Variants in FAM169A observed in about 807,000 individuals in gnomAD.
FAM169A encodes family with sequence similarity 169 member A, also known as soluble lamin-associated protein of 75 kDa.
FAM169A carries 24 observed loss-of-function variants against 75.7 expected under a neutral mutation model. The ratio of observed to expected loss-of-function variants is 0.32; its 90% CI spans 0.23 to 0.45. The LOEUF (loss-of-function observed/expected upper bound fraction) is 0.45, where lower values mean the gene tolerates loss of function less well. FAM169A is among the 20% of genes least tolerant of loss of function. The pLI, the probability that FAM169A is intolerant of heterozygous loss-of-function variation, is 1.00. For missense variants in FAM169A, 673 were observed against 784.0 expected (o/e 0.86, Z 1.69); for synonymous variants, 271 against 271.0 (o/e 1.00, Z 0.00).
intron 5 of FAM169A, among the ~76,000 whole-genome samples, chr5:74,815,817 C>A (rs1580119030): frequency 6.6e-6 from 1 of 152,174 alleles, no homozygotes; most frequent in East Asian, 1.9e-4. Context: ...CTGCTACAAT[C>A]CCATTAGCAC....
intron 6 of FAM169A, among the ~76,000 whole-genome samples, chr5:74,813,585 C>T (rs1378476150): frequency 6.6e-6 from 1 of 152,112 alleles, no homozygotes; most frequent in East Asian, 1.9e-4. Flanking sequence ...CTCAGCCTCC[C>T]AAAGTGCTGG....
chr5:74,856,363 T>C (rs1186810026), intron 1 of FAM169A, among the ~76,000 whole-genome samples: 1 of 152,298 alleles, frequency 6.6e-6, no homozygotes, highest in Admixed American at 6.5e-5. Flanking sequence ...AATCTGTAGA[T>C]TGCTTTAGGT....
intron 6 of FAM169A, among the ~76,000 whole-genome samples, chr5:74,807,794 A>G (rs1293968942): frequency 6.6e-6 from 1 of 152,244 alleles, no homozygotes; most frequent in East Asian, 1.9e-4. Flanking sequence ...GTAAATGAAC[A>G]AAATGATGCC....
chr5:74,838,114 CAAA>C (rs1169194601), intron 4 of FAM169A, among the ~76,000 whole-genome samples: 4 of 65,506 alleles, frequency 6.1e-5, no homozygotes, highest in South Asian at 1.1e-3. Context: ...AACTCCATCC[CAAA>C]AAAAAAAAAA....
intron 1 of FAM169A, among the ~76,000 whole-genome samples, chr5:74,849,571 A>G (rs1222246313): frequency 6.6e-6 from 1 of 152,132 alleles, no homozygotes; most frequent in Non-Finnish European, 1.5e-5. Context: ...CAACACCGAG[A>G]ATAGGTTAGG....
rs965023783 is a variant in FAM169A at position 74,805,140 on chromosome 5, C to T, written c.799+16G>A. 4 of 1,611,530 alleles carry T rather than the reference C, an allele frequency of 2.5e-6. No homozygotes were observed. In the African/African-American group the frequency reaches 4.0e-5, roughly 16 times the overall value. On this transcript the variant is annotated intron_variant, in intron 7 of 12. Transcript: ENST00000687041. ...TAAATAAACTGAACTTATGTTCAAA[C>T]TGAAAACACTCTTACCTAGAATTTT...
At chr5:74,782,819 C>T (rs1373693483) in intron 12 of FAM169A, 112 bp downstream of exon 12, 1 of 648,502 alleles carries the variant, frequency 1.5e-6, no homozygotes, top group Non-Finnish European at 2.6e-6. Flanking sequence ...GTTAATCTTC[C>T]TAAAGCACTG....
At chr5:74,857,041 G>A (rs916285842) in intron 1 of FAM169A, among the ~76,000 whole-genome samples, 29 of 150,176 alleles carry the variant, frequency 1.9e-4, no homozygotes, top group African/African-American at 6.6e-4. Flanking sequence ...TCCCGGAGCC[G>A]GAGGTTGCAG....
At chr5:74,838,838 GAAATTCTAGGGTTTAATATAA>G in intron 4 of FAM169A, 106 bp downstream of exon 4, 1 of 718,732 alleles carries the variant, frequency 1.4e-6, no homozygotes, top group African/African-American at 1.8e-5. Context: ...TCGTAAGAAT[GAAATTCTAGGGTTTAATATAA>G]CCTGATTATT....
chr5:74,806,454 G>A (rs776963063), intron 6 of FAM169A, among the ~76,000 whole-genome samples: 2 of 151,640 alleles, frequency 1.3e-5, no homozygotes, highest in African/African-American at 4.9e-5. Context: ...AAACATAGGA[G>A]AATACCTCTA....
At chr5:74,839,854 A>G (rs1404764824) in intron 3 of FAM169A, among the ~76,000 whole-genome samples, 2 of 152,066 alleles carry the variant, frequency 1.3e-5, no homozygotes, top group Non-Finnish European at 2.9e-5. Context: ...TTTCTATTAT[A>G]AATTACCCAG....
chr5:74,836,931 G>A (rs1010250951), intron 4 of FAM169A, among the ~76,000 whole-genome samples: 1 of 136,814 alleles, frequency 7.3e-6, no homozygotes, highest in Non-Finnish European at 1.5e-5. Context: ...CTGGGCGTCA[G>A]TAAGCCTGTG....
intron 6 of FAM169A, among the ~76,000 whole-genome samples, chr5:74,807,367 T>C (rs976437414): frequency 6.6e-6 from 1 of 152,184 alleles, no homozygotes; most frequent in African/African-American, 2.4e-5. Context: ...TGTAGAGTAT[T>C]GGTTGGTTGC....
chr5:74,782,067 C>A (rs1745440331), intron 12 of FAM169A, 59 bp from the exon 13 acceptor site: 3 of 1,344,788 alleles, frequency 2.2e-6, no homozygotes, highest in South Asian at 2.7e-5. Context: ...AAAATAAATT[C>A]TCAGGCTCTA....
intron 1 of FAM169A, among the ~76,000 whole-genome samples, chr5:74,852,773 G>T: frequency 6.6e-6 from 1 of 152,140 alleles, no homozygotes; most frequent in Non-Finnish European, 1.5e-5. Context: ...CCAGATTAAA[G>T]AATTTAGACT....
chr5:74,854,371 GGTGACACAGC>G (rs534378292), intron 1 of FAM169A, among the ~76,000 whole-genome samples: 69 of 151,366 alleles, frequency 4.6e-4, no homozygotes, highest in Non-Finnish European at 7.6e-4. Context: ...CTCCAGCCTG[GGTGACACAGC>G]GAGACTCCAT....
intron 1 of FAM169A, among the ~76,000 whole-genome samples, chr5:74,863,066 G>T (rs964127392): frequency 2.7e-5 from 4 of 149,334 alleles, no homozygotes; most frequent in Admixed American, 1.3e-4. Context: ...ATCTAGGTAC[G>T]TCACAAACTT....
intron 6 of FAM169A, among the ~76,000 whole-genome samples, chr5:74,813,142 T>G (rs1477399999): frequency 1.3e-5 from 2 of 152,166 alleles, no homozygotes; most frequent in Admixed American, 6.5e-5. Flanking sequence ...GAAAACAGAT[T>G]AGTGGTTGCT....
At chr5:74,840,318 A>G in intron 2 of FAM169A, 145 bp from the exon 3 acceptor site, 1 of 449,686 alleles carries the variant, frequency 2.2e-6, no homozygotes, top group Non-Finnish European at 4.0e-6. Context: ...CTCTAAAAAA[A>G]GAGTAAATCA....
Sources: gnomAD v4.1 joint callset for allele counts (sites outside exome capture counted in the v4.1 genomes callset) on GRCh38, gnomAD v4.1.1 for gene constraint, MANE v1.5 for transcripts, NCBI Gene and HGNC (gene_info 2026-07-23, HGNC 2026-07-21) for gene names.